The following HMCN1 variants were observed in gnomAD, a reference collection of about 807,000 sequenced individuals.
The protein encoded by HMCN1 is hemicentin-1.
Under a neutral mutation model 625.9 loss-of-function variants are expected in HMCN1, and 321 were observed. The observed-to-expected ratio is 0.51, with a 90% CI of 0.47 to 0.56. HMCN1 has a LOEUF of 0.56. HMCN1 is among the 20% of genes least tolerant of loss of function. The pLI, the probability that HMCN1 is intolerant of heterozygous loss-of-function variation, is 0.00. For synonymous variants in HMCN1, 2,425 were observed against 2,417.6 expected (o/e 1.00, Z -0.09); for missense variants, 6,588 against 6,887.3 (o/e 0.96, Z 1.54).
In HMCN1 at chr1:185,734,762, A is replaced by G. The variant is rs368073809; in HGVS notation, c.-18A>G. ...TGCTTAGGCGCTGAGGGGGAAAAAG[A>G]GGGGGAAAAAAAAGAAAATGATTTC... is the stretch of plus-strand genomic sequence containing the variant. On this transcript the variant is annotated 5_prime_UTR_variant, in exon 1 of 107. Transcript: ENST00000271588. 6.2e-6 allele frequency: 10 copies of G among 1,613,684 alleles called. No homozygotes were observed. The East Asian group carries it at 2.0e-4, about 32-fold the overall frequency.
At chr1:185,899,517 T>A (rs189744855) in intron 4 of HMCN1, among the ~76,000 whole-genome samples, 1 of 152,266 alleles carries the variant, frequency 6.6e-6, no homozygotes, top group African/African-American at 2.4e-5. Context: ...TTGAGGTAAC[T>A]CTTTATAATT....
rs551899836 is a variant in HMCN1, at chr1:185,893,085, C to T, written c.622-16252C>T. Among the ~76,000 whole-genome samples, 7 of 152,336 alleles carry T rather than the reference C, an allele frequency of 4.6e-5. 1 individual carries two copies. The South Asian group carries it at 6.2e-4, about 14-fold the overall frequency. On this transcript the variant is annotated intron_variant, in intron 4 of 106. Transcript: ENST00000271588. ...GTGACCCGATTTTCCAGGTGCCGTC[C>T]GTTACCCCTTTCTTTGATTAGGAAA...
chr1:186,075,284 G>T (rs1658741427), intron 53 of HMCN1, among the ~76,000 whole-genome samples: 1 of 151,968 alleles, frequency 6.6e-6, no homozygotes, highest in Non-Finnish European at 1.5e-5. Context: ...TATTATCTGG[G>T]TGATGAAATA....
intron 6 of HMCN1, among the ~76,000 whole-genome samples, chr1:185,913,513 C>T (rs914230135): frequency 1.3e-5 from 2 of 152,102 alleles, no homozygotes; most frequent in Admixed American, 6.6e-5. Flanking sequence ...ACTTAGCCAG[C>T]GGTGTCTTGA....
intron 2 of HMCN1, among the ~76,000 whole-genome samples, chr1:185,860,161 T>A (rs964389515): frequency 6.6e-6 from 1 of 152,222 alleles, no homozygotes; most frequent in Non-Finnish European, 1.5e-5. Flanking sequence ...AAGATATGAA[T>A]TATTAGTTAA....
chr1:186,083,583 TAACTTGGA>T (rs1659304715), intron 57 of HMCN1, among the ~76,000 whole-genome samples: 5 of 151,278 alleles, frequency 3.3e-5, no homozygotes, highest in Admixed American at 3.3e-4. Flanking sequence ...TCCAGAATAT[TAACTTGGA>T]AATGGTGGAT....
intron 105 of HMCN1, among the ~76,000 whole-genome samples, chr1:186,186,243 A>G (rs1398225561): frequency 6.6e-6 from 1 of 152,198 alleles, no homozygotes; most frequent in Non-Finnish European, 1.5e-5. Flanking sequence ...CCCCATGACA[A>G]CCAACCCACT....
chr1:185,822,870 T>C (rs987276970), intron 1 of HMCN1, among the ~76,000 whole-genome samples: 12 of 152,118 alleles, frequency 7.9e-5, no homozygotes, highest in Non-Finnish European at 1.6e-4. Flanking sequence ...ATTCAGGATT[T>C]TTTGTTTGTT....
chr1:185,851,950 G>A (rs1477497047), intron 2 of HMCN1, among the ~76,000 whole-genome samples: 1 of 151,780 alleles, frequency 6.6e-6, no homozygotes, highest in Non-Finnish European at 1.5e-5. Context: ...CCTTAGTAAA[G>A]TCTTTTAATA....
chr1:185,747,342 A>G (rs991489111), intron 1 of HMCN1, among the ~76,000 whole-genome samples: 1 of 151,056 alleles, frequency 6.6e-6, no homozygotes, highest in African/African-American at 2.4e-5. Context: ...TTTTTGAGAC[A>G]GAGTTTTACT....
chr1:186,067,580 C>T (rs1052706369), intron 49 of HMCN1, among the ~76,000 whole-genome samples: 3 of 152,146 alleles, frequency 2.0e-5, no homozygotes, highest in Non-Finnish European at 2.9e-5. Flanking sequence ...CTTGCACCAG[C>T]ATTCCCATTA....
chr1:186,000,139 G>T lies in HMCN1; in HGVS notation c.3969G>T (p.Leu1323=), dbSNP rs143905093. The T allele has an allele frequency of 2.4e-5, 39 of 1,612,980 alleles. No homozygotes were observed. Among genetic ancestry groups the T allele is most frequent in the Non-Finnish European group, 2.9e-5 (34 of 1,179,328 alleles). The change falls in exon 26 of 107, where the codon CTG becomes CTT. Residue 1323 remains leucine, a synonymous_variant. Transcript: ENST00000271588. ...GISILEDGTL[L]VIASVTPYDN... is the part of the protein sequence containing the mutation. ...CTATCTTGGAAGATGGCACATTGCT[G>T]GTTATTGCTTCTGTTACACCCTATG...
intron 4 of HMCN1, among the ~76,000 whole-genome samples, chr1:185,883,552 C>T (rs764775988): frequency 6.6e-6 from 1 of 151,852 alleles, no homozygotes; most frequent in Admixed American, 6.6e-5. Flanking sequence ...GAAATTTACC[C>T]AAGTTATTGT....
chr1:185,987,836 G>A (rs150045014), intron 20 of HMCN1, among the ~76,000 whole-genome samples: 52 of 151,566 alleles, frequency 3.4e-4, no homozygotes, highest in Non-Finnish European at 6.3e-4. Flanking sequence ...GGCCTTCTGG[G>A]GCTTTGGATA....
chr1:186,133,541 A>G (rs907539426), intron 86 of HMCN1, among the ~76,000 whole-genome samples: 3 of 152,166 alleles, frequency 2.0e-5, no homozygotes, highest in African/African-American at 4.8e-5. Flanking sequence ...CCCAAAGACA[A>G]TGTCACTGGG....
At chr1:185,911,560 A>G (rs2102454910) in intron 5 of HMCN1, 114 bp from the exon 6 acceptor site, 1 of 838,656 alleles carries the variant, frequency 1.2e-6, no homozygotes, top group Non-Finnish European at 2.1e-6. Flanking sequence ...GTAAAAAATG[A>G]GCCAGTGTTA....
At chr1:185,981,146 C>A in intron 17 of HMCN1, 73 bp downstream of exon 17, 1 of 914,182 alleles carries the variant, frequency 1.1e-6, no homozygotes, top group Non-Finnish European at 1.8e-6. Context: ...TCATCTCTTG[C>A]CTGTGCCACT....
At chr1:186,188,779 T>TG (rs1286556431) in intron 106 of HMCN1, among the ~76,000 whole-genome samples, 1 of 151,684 alleles carries the variant, frequency 6.6e-6, no homozygotes, top group Non-Finnish European at 1.5e-5. Flanking sequence ...TATCTGCAAT[T>TG]GGTCTGATGG....
intron 4 of HMCN1, among the ~76,000 whole-genome samples, chr1:185,878,314 G>C (rs1664083789): frequency 6.6e-6 from 1 of 152,104 alleles, no homozygotes; most frequent in South Asian, 2.1e-4. Flanking sequence ...TCCTTATCTT[G>C]TTCCAGTTCT....
Sources: allele counts gnomAD v4.1 joint callset (sites outside exome capture counted in the v4.1 genomes callset), GRCh38; gene constraint gnomAD v4.1.1; transcripts MANE v1.5; gene names NCBI Gene and HGNC (gene_info 2026-07-23, HGNC 2026-07-21).